Variants in PTK6 observed in about 807,000 individuals in gnomAD.
The protein encoded by PTK6 is protein-tyrosine kinase 6.
Under a neutral mutation model 47.5 loss-of-function variants are expected in PTK6, and 47 were observed. The observed-to-expected ratio is 0.99, with a 90% CI of 0.78 to 1.26. The LOEUF is 1.26. Among genes scored for constraint, PTK6 ranks in the 50% most tolerant of loss-of-function variants. The pLI is 0.00. For synonymous variants in PTK6, 287 were observed against 276.5 expected (o/e 1.04, Z -0.38); for missense variants, 618 against 625.3 (o/e 0.99, Z 0.12).
chr20:63,534,978 G>A lies in PTK6; in HGVS notation c.312C>T (p.Ile104=). 6.2e-7 allele frequency: 1 copy of A among 1,608,198 alleles called. No homozygotes were observed. The highest frequency in any genetic ancestry group is 8.5e-7 in the Non-Finnish European group (1 of 1,177,768). ...CGGCACTCGGCTTCTCGCTGACCCTGATCAGGAAGGCGCCCGTGGCGTTGC... is the reference window on the plus strand; with the variant it reads ...CGGCACTCGGCTTCTCGCTGACCCTAATCAGGAAGGCGCCCGTGGCGTTGC... ...AEGNATGAFL[I]RVSEKPSADY... is the part of the protein sequence containing the mutation. The change falls in exon 2 of 8, where the codon ATC becomes ATT. Residue 104 remains isoleucine, a synonymous_variant. Coordinates refer to ENST00000542869, the MANE Select transcript of PTK6 (RefSeq NM_005975.4).
Position 63,530,615 on chromosome 20 carries a change from C to T in PTK6, c.1014+131G>A. 7.5e-6 allele frequency: 9 copies of T among 1,205,074 alleles called. No homozygotes were observed. The highest frequency in any genetic ancestry group is 1.0e-5 in the Non-Finnish European group (9 of 878,814). 74.6% of individuals were successfully genotyped at this position (1,205,074 alleles called of 1,614,324 possible). ...TCACGGTGGCTTCCCACCTCCCTGC[C>T]CAGCCTGGGCTCCCGAGGGCAGGGG... On this transcript the variant is annotated intron_variant, in intron 6 of 7. Transcript: ENST00000542869. The surrounding 1 kb of genome is among the most constrained non-coding windows in gnomAD (Gnocchi z 4.1).
In PTK6 at chr20:63,530,109, C is replaced by T; in HGVS notation, c.1137G>A (p.Glu379=). ...AGGGCACCTGACCCCTGCTGAACAT[C>T]TCATGCAGGAGAATCCCAAAGGACC... ...DVWSFGILLH[E]MFSRGQVPYP... The change falls in exon 7 of 8, where the codon GAG becomes GAA. Residue 379 remains glutamate, a synonymous_variant. Coordinates refer to ENST00000542869, the MANE Select transcript of PTK6 (RefSeq NM_005975.4). The surrounding 1 kb of genome is among the most constrained non-coding windows in gnomAD (Gnocchi z 4.1). 3 of 1,614,084 alleles carry T rather than the reference C, an allele frequency of 1.9e-6. No homozygotes were observed. Among genetic ancestry groups the T allele is most frequent in the Non-Finnish European group, 2.5e-6 (3 of 1,180,014 alleles).
At position 63,532,816 on chromosome 20, in the gene PTK6, GC is replaced by G. The variant is rs59130722; in HGVS notation, c.671-130del. The G allele has an allele frequency of 0.029, 36,212 of 1,266,388 alleles. 6,812 individuals carry two copies. In the African/African-American group the frequency reaches 0.45, roughly 16 times the overall value. The allele number at this position is 1,266,388 out of a possible 1,614,324, so 78.4% of individuals were successfully genotyped here. On this transcript the variant is annotated intron_variant, in intron 4 of 7. Transcript: ENST00000542869. ...GCTGTGCAGGACACACAGACCTCCT[GC>G]CCCCGACAGGGCACCTGGCTCCCGA...
chr20:63,537,044 G>A, intron 1 of PTK6, 41 bp downstream of exon 1: 6 of 1,557,662 alleles, frequency 3.9e-6, no homozygotes, highest in Non-Finnish European at 3.5e-6. Flanking sequence ...GTGCCTAGAG[G>A]GTGGCCTGTG....
chr20:63,534,305 C>T lies in PTK6; in HGVS notation c.363G>A (p.Thr121=), dbSNP rs759267517. 8.7e-6 allele frequency: 14 copies of T among 1,602,992 alleles called. No individual in the cohort carries two copies. Among genetic ancestry groups the T allele is most frequent in the Admixed American group, 3.4e-5 (2 of 59,286 alleles). The part of the protein sequence containing the change: ...SADYVLSVRD[T]QAVRHYKIWR... ...AGATCTTGTAGTGCCGCACAGCCTG[C>T]GTGTCCCGCACTGGGAGGGAGAGCG... The change falls in exon 3 of 8, where the codon ACG becomes ACA. Residue 121 remains threonine (T), a synonymous_variant. Coordinates refer to ENST00000542869, the MANE Select transcript of PTK6 (RefSeq NM_005975.4).
In PTK6 at chr20:63,530,212, T is replaced by C. The variant is rs1454869486; in HGVS notation, c.1034A>G (p.His345Arg). ...CCACTTGTAGGGGATATTGTGGTCA[T>C]GGGAGAGGTAGACGTCCTCCTGCAA... is the stretch of plus-strand genomic sequence containing the variant. ...RLIKEDVYLS[H>R]DHNIPYKWTA... The change falls in exon 7 of 8, where the codon CAT becomes CGT. Residue 345 changes from histidine to arginine, a missense_variant. Physicochemically the swap from His to Arg is conservative, Grantham distance 29. Coordinates refer to ENST00000542869, the MANE Select transcript of PTK6 (RefSeq NM_005975.4). The surrounding 1 kb of genome is among the most constrained non-coding windows in gnomAD (Gnocchi z 4.1). 1 of 1,613,896 alleles carries C rather than the reference T, an allele frequency of 6.2e-7. No homozygotes were observed. Among genetic ancestry groups the C allele is most frequent in the Non-Finnish European group, 8.5e-7 (1 of 1,179,930 alleles).
intron 5 of PTK6, among the ~76,000 whole-genome samples, 179 bp downstream of exon 5, chr20:63,532,347 A>ATGTGTGTGTCTGTGTGTC (rs1417814895): frequency 5.0e-5 from 6 of 120,396 alleles, no homozygotes; most frequent in African/African-American, 2.4e-4. Flanking sequence ...GTGTGTGTGC[A>ATGTGTGTGTCTGTGTGTC]TGTGTGTCTG....
In PTK6 at chr20:63,530,329, A is replaced by T. The variant is rs2082608113; in HGVS notation, c.1015-98T>A. On this transcript the variant is annotated intron_variant, in intron 6 of 7. Transcript: ENST00000542869. The surrounding 1 kb of genome is among the most constrained non-coding windows in gnomAD (Gnocchi z 4.1). ...GCGGCCGCATTGCCCCAGCAGTGGG[A>T]CGGTGATGACCCCACTGTCTGACCC... is the stretch of plus-strand genomic sequence containing the variant. 6.8e-7 allele frequency: 1 copy of T among 1,460,864 alleles called. No individual in the cohort carries two copies. The highest frequency in any genetic ancestry group is 1.4e-5 in the African/African-American group (1 of 72,084). The allele number at this position is 1,460,864 out of a possible 1,614,324, so 90.5% of individuals were successfully genotyped here.
chr20:63,536,770 C>T (rs1569014291), intron 1 of PTK6, among the ~76,000 whole-genome samples: 1 of 152,218 alleles, frequency 6.6e-6, no homozygotes, highest in Non-Finnish European at 1.5e-5. Context: ...CACCCTGGAC[C>T]CTCTGTCCTC....
At chr20:63,534,839 C>G in intron 2 of PTK6, 99 bp downstream of exon 2, 1 of 1,439,800 alleles carries the variant, frequency 6.9e-7, no homozygotes, top group Non-Finnish European at 9.2e-7. Context: ...CCCATGTCCC[C>G]CGTCTCAGCC....
At position 63,537,357 on chromosome 20, in the gene PTK6, G is replaced by A. The variant is rs2082678751; in HGVS notation, c.-43C>T. On this transcript the variant is annotated 5_prime_UTR_variant, in exon 1 of 8. Coordinates refer to ENST00000542869, the MANE Select transcript of PTK6 (RefSeq NM_005975.4). Reference sequence around the variant, plus strand: ...GCAGGACCAGGCTGTGGCCCAGCTGGAGCACCCAGAGCTGGGCGTGGCAGG... The same window carrying A: ...GCAGGACCAGGCTGTGGCCCAGCTGAAGCACCCAGAGCTGGGCGTGGCAGG... 1 of 1,497,556 alleles carries A rather than the reference G, an allele frequency of 6.7e-7. No individual in the cohort carries two copies. The allele number at this position is 1,497,556 out of a possible 1,614,324, so 92.8% of individuals were successfully genotyped here.
chr20:63,536,643 A>G (rs1316078956), intron 1 of PTK6, among the ~76,000 whole-genome samples: 1 of 152,018 alleles, frequency 6.6e-6, no homozygotes, highest in African/African-American at 2.4e-5. Flanking sequence ...TCCCCTAACT[A>G]GGTCGTGTGT....
At chr20:63,534,807 A>T in intron 2 of PTK6, 131 bp downstream of exon 2, 1 of 1,336,038 alleles carries the variant, frequency 7.5e-7, no homozygotes, top group East Asian at 2.6e-5. Context: ...GGCGGAGGGG[A>T]TGGGAGCTCC....
At chr20:63,532,309 G>GCA (rs2082629158) in intron 5 of PTK6, among the ~76,000 whole-genome samples, 1 of 120,110 alleles carries the variant, frequency 8.3e-6, no homozygotes, top group African/African-American at 7.9e-5. Flanking sequence ...GTGTGTGTCT[G>GCA]TGTGTGCATG....
Position 63,537,286 on chromosome 20 carries a change from C to T in PTK6, c.29G>A (p.Gly10Asp), listed in dbSNP as rs763010795. Residue 10 changes from glycine (G) to aspartate (D), a missense_variant, in exon 1 of 8, where the codon GGC (glycine) becomes GAC (aspartate). Gly to Asp is a moderately conservative substitution (Grantham distance 94). Transcript: ENST00000542869. MVSRDQAHL[G>D]PKYVGLWDFK... ...GTCCCAGAGGCCCACATACTTGGGGCCCAGGTGAGCCTGGTCCCGGGACAC... is the reference window on the plus strand; with the variant it reads ...GTCCCAGAGGCCCACATACTTGGGGTCCAGGTGAGCCTGGTCCCGGGACAC... The T allele has an allele frequency of 2.5e-6, 4 of 1,611,738 alleles. No individual in the cohort carries two copies. The highest frequency in any genetic ancestry group is 1.1e-5 in the South Asian group (1 of 90,972).
At position 63,533,291 on chromosome 20, in the gene PTK6, C is replaced by T. The variant is rs992286591; in HGVS notation, c.670+260G>A. Among the ~76,000 whole-genome samples, 2 of 152,188 alleles carry T rather than the reference C, an allele frequency of 1.3e-5. No homozygotes were observed. The highest frequency in any genetic ancestry group is 4.8e-5 in the African/African-American group (2 of 41,436). ...CCATGTTGGCCAGGCTGGTCTCAAA[C>T]TCCTGACCTCGTGATCCGCCCACCT... On this transcript the variant is annotated intron_variant, in intron 4 of 7. Transcript: ENST00000542869. This position sits in a 1 kb window ranked among gnomAD's most constrained non-coding sequence, Gnocchi z 4.0.
At position 63,530,156 on chromosome 20, in the gene PTK6, A is replaced by G. The variant is rs1206826625; in HGVS notation, c.1090T>C (p.Tyr364His). Reference protein sequence around the residue: ...TAPEALSRGHYSTKSDVWSFG... With the variant: ...TAPEALSRGHHSTKSDVWSFG... ...GACCAGACGTCGGATTTGGTGGAGT[A>G]ATGGCCTCGGGAGAGCGCTTCAGGG... The change falls in exon 7 of 8, where the codon TAC becomes CAC. Residue 364 changes from tyrosine (Y) to histidine (H), a missense_variant. By Grantham distance (83) the Tyr-to-His change is moderately conservative (BLOSUM62 2). Coordinates refer to ENST00000542869, the MANE Select transcript of PTK6 (RefSeq NM_005975.4). This position sits in a 1 kb window ranked among gnomAD's most constrained non-coding sequence, Gnocchi z 4.1. 1.2e-6 allele frequency: 2 copies of G among 1,614,108 alleles called. No homozygotes were observed. The highest frequency in any genetic ancestry group is 2.2e-5 in the South Asian group (2 of 91,088).
At position 63,528,304 on chromosome 20, in the gene PTK6, C is replaced by T. The variant is rs2082590811; in HGVS notation, c.*1232G>A. Reference sequence around the variant, plus strand: ...ATCTCATGTAGCACATCGGATAAGCCTGATTAGTCTGACATCTGTCTTTCA... The same window carrying T: ...ATCTCATGTAGCACATCGGATAAGCTTGATTAGTCTGACATCTGTCTTTCA... On this transcript the variant is annotated 3_prime_UTR_variant, in exon 8 of 8. Transcript: ENST00000542869. The T allele has an allele frequency of 6.6e-6, 1 of 152,076 alleles. No homozygotes were observed. Among genetic ancestry groups the T allele is most frequent in the African/African-American group, 2.4e-5 (1 of 41,418 alleles). 9.4% of individuals were successfully genotyped at this position (152,076 alleles called of 1,614,324 possible).
chr20:63,535,097 C>T, intron 1 of PTK6, 38 bp from the exon 2 acceptor site: 10 of 1,560,860 alleles, frequency 6.4e-6, no homozygotes, highest in Non-Finnish European at 7.0e-6. Context: ...GGACCTGGGC[C>T]CACCCCACGT....
Sources: allele counts gnomAD v4.1 joint callset (sites outside exome capture counted in the v4.1 genomes callset), GRCh38; gene constraint gnomAD v4.1.1; non-coding constraint Gnocchi (gnomAD v3.1); transcripts MANE v1.5; gene names NCBI Gene and HGNC (gene_info 2026-07-23, HGNC 2026-07-21).